The following BTC variants were observed in gnomAD, a reference collection of about 807,000 sequenced individuals.
BTC encodes the protein betacellulin, also known as probetacellulin.
Under a neutral mutation model 18.1 loss-of-function variants are expected in BTC, and 13 were observed. The observed-to-expected ratio is 0.72, with a 90% CI of 0.47 to 1.14. The LOEUF (loss-of-function observed/expected upper bound fraction) is 1.14, where lower values mean the gene tolerates loss of function less well. BTC is among the 50% of genes most tolerant of loss of function. BTC has a pLI of 0.00. For missense variants in BTC, 247 were observed against 224.2 expected, an observed-to-expected ratio of 1.10 and a Z score of -0.65; for synonymous variants, 83 against 79.4, an observed-to-expected ratio of 1.05 and a Z score of -0.24.
intron 2 of BTC, among the ~76,000 whole-genome samples, chr4:74,762,604 A>T (rs1427659732): frequency 6.6e-6 from 1 of 152,164 alleles, no homozygotes; most frequent in East Asian, 1.9e-4. Flanking sequence ...GGAAGGAAGG[A>T]AACAAAAAAG....
chr4:74,759,926 G>C (rs1351299308), intron 2 of BTC, among the ~76,000 whole-genome samples: 1 of 152,154 alleles, frequency 6.6e-6, no homozygotes, highest in African/African-American at 2.4e-5. Flanking sequence ...CGGATGTTTT[G>C]ATTAAACATA....
At chr4:74,780,116 A>C (rs1252839482) in intron 1 of BTC, among the ~76,000 whole-genome samples, 6 of 152,178 alleles carry the variant, frequency 3.9e-5, no homozygotes, top group African/African-American at 1.4e-4. Flanking sequence ...TTAAGAAACA[A>C]TGGCCTTCTT....
At chr4:74,760,351 C>A (rs1724719720) in intron 2 of BTC, among the ~76,000 whole-genome samples, 1 of 152,194 alleles carries the variant, frequency 6.6e-6, no homozygotes, top group Non-Finnish European at 1.5e-5. Context: ...TCCTCCCACA[C>A]ATATAGGAAG....
At chr4:74,792,670 A>G (rs59105023) in intron 1 of BTC, among the ~76,000 whole-genome samples, 4,681 of 152,326 alleles carry the variant, frequency 0.031, 229 homozygotes, top group African/African-American at 0.11. Flanking sequence ...TACTCTTTCC[A>G]GTAAAGCATG....
Position 74,744,879 on chromosome 4 carries a change from A to G in BTC, c.*1798T>C, listed in dbSNP as rs1724251553. 6.6e-6 allele frequency: 1 copy of G among 152,238 alleles called. No individual in the cohort carries two copies. Among genetic ancestry groups the G allele is most frequent in the Admixed American group, 6.5e-5 (1 of 15,284 alleles). 9.4% of individuals were successfully genotyped at this position (152,238 alleles called of 1,614,324 possible). On this transcript the variant is annotated 3_prime_UTR_variant, in exon 6 of 6. Coordinates refer to ENST00000395743, the MANE Select transcript of BTC (RefSeq NM_001729.4). ...TTTTGAAAAGATATAAAAATCTTTG[A>G]AATTCTTTCTTGATATCAGATCTAC...
intron 1 of BTC, among the ~76,000 whole-genome samples, chr4:74,777,331 C>T (rs1417551362): frequency 6.6e-6 from 1 of 152,214 alleles, no homozygotes; most frequent in Non-Finnish European, 1.5e-5. Flanking sequence ...TAATGCCTTG[C>T]ACAGGGTAAG....
chr4:74,777,865 T>C (rs927833671), intron 1 of BTC, among the ~76,000 whole-genome samples: 1 of 152,092 alleles, frequency 6.6e-6, no homozygotes, highest in Admixed American at 6.6e-5. Flanking sequence ...TTTTAAAAAA[T>C]AAAATTAAAG....
At chr4:74,751,817 T>C (rs181353978) in intron 3 of BTC, among the ~76,000 whole-genome samples, 2 of 152,328 alleles carry the variant, frequency 1.3e-5, no homozygotes, top group Admixed American at 1.3e-4. Context: ...AACATTTTCC[T>C]TTATTAATAT....
intron 1 of BTC, among the ~76,000 whole-genome samples, chr4:74,791,969 TCACACACACA>T (rs3087019): frequency 0.036 from 4,891 of 134,236 alleles, 247 homozygotes; most frequent in African/African-American, 0.13. Flanking sequence ...TTCCACCATC[TCACACACACA>T]CACACACACA....
chr4:74,756,541 G>A (rs1388450401), intron 2 of BTC, among the ~76,000 whole-genome samples: 1 of 152,190 alleles, frequency 6.6e-6, no homozygotes, highest in African/African-American at 2.4e-5. Context: ...CACACAGATA[G>A]AAAGTGGAAA....
intron 2 of BTC, among the ~76,000 whole-genome samples, chr4:74,762,253 C>T (rs1340955980): frequency 6.6e-6 from 1 of 152,142 alleles, no homozygotes; most frequent in Non-Finnish European, 1.5e-5. Flanking sequence ...TGATTCTAAG[C>T]AGTTTAGGTT....
At chr4:74,793,745 C>A (rs1372522342) in intron 1 of BTC, among the ~76,000 whole-genome samples, 3 of 152,158 alleles carry the variant, frequency 2.0e-5, no homozygotes, top group Admixed American at 2.0e-4. Flanking sequence ...CTCCTCCTCC[C>A]GCTGGCACTC....
intron 1 of BTC, among the ~76,000 whole-genome samples, chr4:74,788,664 G>A (rs986960667): frequency 2.0e-5 from 3 of 152,112 alleles, no homozygotes; most frequent in African/African-American, 7.2e-5. Context: ...TCACTATCAC[G>A]TGTTTAGAAA....
chr4:74,773,618 T>TTTA (rs1452509383), intron 1 of BTC, among the ~76,000 whole-genome samples: 1 of 147,540 alleles, frequency 6.8e-6, no homozygotes, highest in Non-Finnish European at 1.5e-5. Context: ...GACACAAACT[T>TTTA]TTTTTTTTTT....
intron 5 of BTC, among the ~76,000 whole-genome samples, chr4:74,747,476 G>A (rs530196408): frequency 3.9e-5 from 6 of 152,224 alleles, no homozygotes; most frequent in Non-Finnish European, 7.4e-5. Flanking sequence ...GAATGCTAAG[G>A]TAATATTTAC....
At chr4:74,760,370 A>G (rs1238278510) in intron 2 of BTC, among the ~76,000 whole-genome samples, 2 of 152,250 alleles carry the variant, frequency 1.3e-5, no homozygotes, top group African/African-American at 4.8e-5. Context: ...AGTAGAGCCT[A>G]GGGCTTTGTT....
intron 1 of BTC, among the ~76,000 whole-genome samples, chr4:74,790,952 C>A (rs1725608097): frequency 6.6e-6 from 1 of 152,104 alleles, no homozygotes; most frequent in African/African-American, 2.4e-5. Flanking sequence ...AGCTTACATG[C>A]TTTTTAAATA....
intron 3 of BTC, among the ~76,000 whole-genome samples, chr4:74,755,323 A>G (rs1724569158): frequency 6.6e-6 from 1 of 152,254 alleles, no homozygotes; most frequent in Non-Finnish European, 1.5e-5. Flanking sequence ...AAATTTGTGT[A>G]TGCCTGAGTA....
At chr4:74,777,944 C>T (rs1308711356) in intron 1 of BTC, among the ~76,000 whole-genome samples, 3 of 151,928 alleles carry the variant, frequency 2.0e-5, no homozygotes, top group African/African-American at 7.3e-5. Context: ...ATTACATCTT[C>T]ACTGTCAGGA....
Sources: allele counts gnomAD v4.1 joint callset (sites outside exome capture counted in the v4.1 genomes callset), GRCh38; gene constraint gnomAD v4.1.1; transcripts MANE v1.5; gene names NCBI Gene and HGNC (gene_info 2026-07-23, HGNC 2026-07-21).